Variants in ZC3H6 observed in about 807,000 individuals in gnomAD.
ZC3H6 encodes zinc finger CCCH-type containing 6, also known as zinc finger CCCH domain-containing protein 6.
ZC3H6 carries 40 observed loss-of-function variants against 107.7 expected under a neutral mutation model. The observed-to-expected ratio is 0.37, with a 90% CI of 0.29 to 0.48. The LOEUF is 0.48. ZC3H6 is among the 20% of genes least tolerant of loss of function. The probability of loss-of-function intolerance (pLI) is 0.98; values close to 1 mark genes in which losing one functional copy is unlikely to be tolerated. For missense variants in ZC3H6, 1,267 were observed against 1,410.4 expected (o/e 0.90, Z 1.63); for synonymous variants, 493 against 487.9 (o/e 1.01, Z -0.14).
intron 1 of ZC3H6, among the ~76,000 whole-genome samples, chr2:112,295,565 C>CT (rs1676216715): frequency 1.3e-5 from 2 of 152,172 alleles, no homozygotes; most frequent in Non-Finnish European, 2.9e-5. Flanking sequence ...GTCTCCTTCT[C>CT]TTTCCATTAT....
In ZC3H6 at chr2:112,289,967, C is replaced by G. The variant is rs1272994651; in HGVS notation, c.33-9882C>G. Among the ~76,000 whole-genome samples, 4 of 152,216 alleles carry G rather than the reference C, an allele frequency of 2.6e-5. No individual in the cohort carries two copies. The South Asian group carries it at 8.3e-4, about 32-fold the overall frequency. On this transcript the variant is annotated intron_variant, in intron 1 of 11. Transcript: ENST00000409871. ...TGTTGCCCAGGCTGGTCTCACACTCCTGGGCTTGACCAGTTCACCCTCCTT... is the reference window on the plus strand; with the variant it reads ...TGTTGCCCAGGCTGGTCTCACACTCGTGGGCTTGACCAGTTCACCCTCCTT...
intron 1 of ZC3H6, among the ~76,000 whole-genome samples, chr2:112,298,992 G>C (rs1676303777): frequency 6.6e-6 from 1 of 152,042 alleles, no homozygotes; most frequent in South Asian, 2.1e-4. Flanking sequence ...AGAATAATTT[G>C]GCCGGGTGTG....
chr2:112,322,316 C>G (rs1363572500), intron 8 of ZC3H6, among the ~76,000 whole-genome samples: 1 of 151,880 alleles, frequency 6.6e-6, no homozygotes, highest in African/African-American at 2.4e-5. Flanking sequence ...CACCCTGCTC[C>G]TTGCCAACCC....
intron 3 of ZC3H6, among the ~76,000 whole-genome samples, chr2:112,308,150 C>T (rs975878007): frequency 5.3e-5 from 8 of 151,930 alleles, no homozygotes; most frequent in Admixed American, 6.6e-5. Context: ...GTTTTGGCTA[C>T]AATCATAAAT....
rs1677079324 is a variant in ZC3H6 at position 112,333,526 on chromosome 2, G to T, written c.*1038G>T. 6.6e-6 allele frequency: 1 copy of T among 152,144 alleles called. No homozygotes were observed. The highest frequency in any genetic ancestry group is 2.4e-5 in the African/African-American group (1 of 41,432). 9.4% of individuals were successfully genotyped at this position (152,144 alleles called of 1,614,324 possible). A position where few individuals can be genotyped will look rare whatever the true frequency, so the allele number is the denominator to read the frequency against. The stretch of plus-strand genomic sequence containing the variant: ...CCGGCTGGCATTCTGTAACAGAGGG[G>T]ATTACCTGGTGTTTTAAGTATTTAA... On this transcript the variant is annotated 3_prime_UTR_variant, in exon 12 of 12. Transcript: ENST00000409871.
chr2:112,298,247 T>A (rs898532921), intron 1 of ZC3H6, among the ~76,000 whole-genome samples: 3 of 152,050 alleles, frequency 2.0e-5, no homozygotes, highest in Non-Finnish European at 4.4e-5. Flanking sequence ...ACAGATAAGT[T>A]TAAAAAAATA....
At chr2:112,300,074 A>T (rs1311113811) in intron 2 of ZC3H6, 45 bp downstream of exon 2, 3 of 1,210,374 alleles carry the variant, frequency 2.5e-6, no homozygotes, top group African/African-American at 1.6e-5. Context: ...ATGTTTATGA[A>T]ATATAAAATA....
At chr2:112,295,011 TACCAC>T (rs202057792) in intron 1 of ZC3H6, among the ~76,000 whole-genome samples, 5,432 of 152,232 alleles carry the variant, frequency 0.036, 140 homozygotes, top group African/African-American at 0.057. Context: ...GTACAGTCAT[TACCAC>T]TATTTAATTT....
intron 1 of ZC3H6, among the ~76,000 whole-genome samples, chr2:112,292,082 TA>T (rs1238988328): frequency 6.6e-6 from 1 of 152,214 alleles, no homozygotes. Context: ...TATTTTATTT[TA>T]TTTTTTCTGC....
chr2:112,276,200 G>A (rs1686417481), intron 1 of ZC3H6, among the ~76,000 whole-genome samples, 174 bp downstream of exon 1: 1 of 147,064 alleles, frequency 6.8e-6, no homozygotes, highest in Non-Finnish European at 1.5e-5. Flanking sequence ...GGGGGAGGTC[G>A]GCCCGGCCGC....
intron 3 of ZC3H6, among the ~76,000 whole-genome samples, chr2:112,305,745 A>T (rs972604713): frequency 6.6e-6 from 1 of 152,150 alleles, no homozygotes; most frequent in African/African-American, 2.4e-5. Context: ...GTTTTTATTT[A>T]TTAGGCCAAT....
chr2:112,285,960 CAAA>C, intron 1 of ZC3H6: 2 of 162,940 alleles, frequency 1.2e-5, no homozygotes, highest in Non-Finnish European at 2.5e-5. Flanking sequence ...GTCTCCGTCT[CAAA>C]AAAAAAAAAA....
At chr2:112,282,450 T>C (rs954016081) in intron 1 of ZC3H6, among the ~76,000 whole-genome samples, 2 of 152,256 alleles carry the variant, frequency 1.3e-5, no homozygotes, top group Non-Finnish European at 2.9e-5. Flanking sequence ...TGACAGGTAC[T>C]GTTTTAAGTG....
At chr2:112,311,739 T>G (rs910503514) in intron 4 of ZC3H6, 65 bp from the exon 5 acceptor site, 1 of 1,436,964 alleles carries the variant, frequency 7.0e-7, no homozygotes, top group African/African-American at 1.4e-5. Context: ...CTGTTCCTTA[T>G]AAACTAATAA....
In ZC3H6 at chr2:112,332,399, C is replaced by G. The variant is rs775321807; in HGVS notation, c.3481C>G (p.Pro1161Ala). 1.9e-6 allele frequency: 3 copies of G among 1,613,466 alleles called. No individual in the cohort carries two copies. The highest frequency in any genetic ancestry group is 2.5e-6 in the Non-Finnish European group (3 of 1,179,890). Residue 1161 changes from proline (P) to alanine (A), a missense_variant, in exon 12 of 12, where the codon CCA becomes GCA. Physicochemically the swap from Pro to Ala is conservative, Grantham distance 27. This residue lies in a region of ZC3H6 where 925 missense variants were observed against 1,025.7 expected (regional missense o/e 0.90). Coordinates refer to ENST00000409871, the MANE Select transcript of ZC3H6 (RefSeq NM_198581.3). Reference sequence around the variant, plus strand: ...GCAGCCAGGACAGGGGAGCCCGACCCCAGATAATGATCCCGGTAGAGAAAC... The same window carrying G: ...GCAGCCAGGACAGGGGAGCCCGACCGCAGATAATGATCCCGGTAGAGAAAC... Reference protein sequence around the residue: ...ARQPGQGSPTPDNDPGRETDD... With the variant: ...ARQPGQGSPTADNDPGRETDD...
At chr2:112,317,483 G>A (rs1676721100) in intron 7 of ZC3H6, 151 bp downstream of exon 7, 2 of 474,058 alleles carry the variant, frequency 4.2e-6, no homozygotes, top group Non-Finnish European at 7.4e-6. Flanking sequence ...GTCAAACTTT[G>A]TACTTCAAAA....
At chr2:112,301,602 A>G (rs772983310) in intron 2 of ZC3H6, among the ~76,000 whole-genome samples, 1 of 152,206 alleles carries the variant, frequency 6.6e-6, no homozygotes, top group Non-Finnish European at 1.5e-5. Context: ...AAAAGAGAAT[A>G]ATGGAGAGTA....
Position 112,322,765 on chromosome 2 carries a change from C to A in ZC3H6, c.1203C>A (p.Thr401=). ...KPPPGVGLLP[T]PPEHFPFSDP... ...CTCCAGGGGTTGGGCTTCTGCCAAC[C>A]CCTCCAGAGCATTTTCCCTTTTCTG... Residue 401 remains threonine, a synonymous_variant, in exon 9 of 12, where the codon ACC becomes ACA. Transcript: ENST00000409871. 1 of 1,613,908 alleles carries A rather than the reference C, an allele frequency of 6.2e-7. No individual in the cohort carries two copies. Among genetic ancestry groups the A allele is most frequent in the Non-Finnish European group, 8.5e-7 (1 of 1,179,876 alleles).
intron 11 of ZC3H6, among the ~76,000 whole-genome samples, chr2:112,330,523 A>G (rs1048111484): frequency 6.6e-6 from 1 of 152,150 alleles, no homozygotes; most frequent in African/African-American, 2.4e-5. Flanking sequence ...TTTTTAGTCC[A>G]TTGTTAACTT....
Sources: allele counts gnomAD v4.1 joint callset (sites outside exome capture counted in the v4.1 genomes callset), GRCh38; gene constraint gnomAD v4.1.1; regional missense constraint gnomAD v4.1.1; transcripts MANE v1.5; gene names NCBI Gene and HGNC (gene_info 2026-07-23, HGNC 2026-07-21).